LPP: variants seen among roughly 807,000 people sequenced by gnomAD.
LPP encodes LIM domain containing preferred translocation partner in lipoma.
A neutral mutation model predicts 60.4 loss-of-function variants in LPP; 38 were observed. That is an observed-to-expected ratio of 0.63 (90% confidence interval 0.49 to 0.83). LPP has a LOEUF of 0.83. LPP is among the 40% of genes least tolerant of loss of function. The pLI is 0.00. For synonymous variants in LPP, 328 were observed against 290.8 expected, an observed-to-expected ratio of 1.13 and a Z score of -1.30; for missense variants, 902 against 783.6, an observed-to-expected ratio of 1.15 and a Z score of -1.80.
At chr3:188,426,100 T>C (rs978619425) in intron 4 of LPP, among the ~76,000 whole-genome samples, 3 of 152,210 alleles carry the variant, frequency 2.0e-5, no homozygotes, top group African/African-American at 7.2e-5. Flanking sequence ...GTGCTATAAA[T>C]TCCCCTCTAA....
intron 7 of LPP, among the ~76,000 whole-genome samples, chr3:188,659,143 C>G (rs1854010726): frequency 6.6e-6 from 1 of 152,054 alleles, no homozygotes; most frequent in South Asian, 2.1e-4. Context: ...GTAAAATAAC[C>G]TGTTAGGTAG....
chr3:188,230,663 C>A (rs921827930), intron 2 of LPP, among the ~76,000 whole-genome samples: 1 of 151,598 alleles, frequency 6.6e-6, no homozygotes, highest in Non-Finnish European at 1.5e-5. Flanking sequence ...ATCCCAGCTA[C>A]TCGGGAGGCT....
intron 6 of LPP, among the ~76,000 whole-genome samples, chr3:188,557,160 C>A (rs1829678036): frequency 6.6e-6 from 1 of 151,922 alleles, no homozygotes; most frequent in Non-Finnish European, 1.5e-5. Flanking sequence ...ATTCATATTT[C>A]TATAAACTCA....
intron 7 of LPP, among the ~76,000 whole-genome samples, chr3:188,634,117 C>A (rs1303832129): frequency 6.6e-6 from 1 of 152,192 alleles, no homozygotes; most frequent in Admixed American, 6.5e-5. Context: ...TACTGGGAAG[C>A]ACTTAGTGTC....
rs11326505 is a variant in LPP, at chr3:188,405,897, C to T, written c.-9-215C>T. Reference sequence around the variant, plus strand: ...CCTCTTTCTCTTTCTTTCTTTCTTTCTCCTTTTCCTCTCCTTCCTCCTTTT... The same window carrying T: ...CCTCTTTCTCTTTCTTTCTTTCTTTTTCCTTTTCCTCTCCTTCCTCCTTTT... On this transcript the variant is annotated intron_variant, in intron 3 of 11. Coordinates refer to ENST00000617246, the MANE Select transcript of LPP (RefSeq NM_001375462.1). 2.5e-3 allele frequency among the ~76,000 whole-genome samples: 25 copies of T among 9,934 alleles called. 1 individual carries two copies. In the South Asian group the frequency reaches 0.13, roughly 51 times the overall value. The allele number at this position is 9,934 out of a possible 152,430, so 6.5% of individuals were successfully genotyped here. A position where few individuals can be genotyped will look rare whatever the true frequency, so the allele number is the denominator to read the frequency against.
chr3:188,713,703 G>A (rs530335800), intron 8 of LPP, among the ~76,000 whole-genome samples: 2 of 152,094 alleles, frequency 1.3e-5, no homozygotes, highest in Non-Finnish European at 2.9e-5. Flanking sequence ...ATCACCTCAG[G>A]TTAAAACAGC....
At chr3:188,256,388 G>A (rs1400579264) in intron 2 of LPP, among the ~76,000 whole-genome samples, 2 of 152,060 alleles carry the variant, frequency 1.3e-5, no homozygotes, top group Non-Finnish European at 2.9e-5. Context: ...AATATAAATT[G>A]TAATCTAAGT....
intron 5 of LPP, among the ~76,000 whole-genome samples, chr3:188,513,695 T>C (rs895706442): frequency 6.6e-6 from 1 of 152,122 alleles, no homozygotes; most frequent in Non-Finnish European, 1.5e-5. Context: ...TAGGTAAATA[T>C]TGTGAAAAGT....
At position 188,484,751 on chromosome 3, in the gene LPP, G is replaced by C. The variant is rs763196161; in HGVS notation, c.306+47G>C. 6.5e-5 allele frequency: 93 copies of C among 1,431,226 alleles called. No homozygotes were observed. The Admixed American group carries it at 1.5e-3, about 24-fold the overall frequency. 88.7% of individuals were successfully genotyped at this position (1,431,226 alleles called of 1,614,324 possible). ...ATGTTAGGTAAGAGCTGAAGTTAAAGTCATGTTTATAAGCCATCCTAGGGA... is the reference window on the plus strand; with the variant it reads ...ATGTTAGGTAAGAGCTGAAGTTAAACTCATGTTTATAAGCCATCCTAGGGA... On this transcript the variant is annotated intron_variant, in intron 5 of 11. Coordinates refer to ENST00000617246, the MANE Select transcript of LPP (RefSeq NM_001375462.1).
chr3:188,419,790 T>C (rs1170549958), intron 4 of LPP, among the ~76,000 whole-genome samples: 1 of 152,176 alleles, frequency 6.6e-6, no homozygotes, highest in Non-Finnish European at 1.5e-5. Context: ...CTTGGGAGAC[T>C]GAGGCAGGCG....
intron 4 of LPP, among the ~76,000 whole-genome samples, chr3:188,408,406 C>T (rs1784173488): frequency 6.6e-6 from 1 of 152,278 alleles, no homozygotes; most frequent in Non-Finnish European, 1.5e-5. Flanking sequence ...CCTCCTTGTA[C>T]TATGTGTGGT....
At chr3:188,279,613 T>G (rs1741220296) in intron 2 of LPP, among the ~76,000 whole-genome samples, 2 of 152,178 alleles carry the variant, frequency 1.3e-5, no homozygotes, top group African/African-American at 4.8e-5. Flanking sequence ...TAGAGGAAAG[T>G]CAGACTGGAG....
intron 4 of LPP, among the ~76,000 whole-genome samples, chr3:188,422,254 C>T (rs1788001921): frequency 2.6e-5 from 4 of 152,092 alleles, no homozygotes; most frequent in South Asian, 2.1e-4. Flanking sequence ...CATCAGTAAT[C>T]GCTAAGTAAC....
intron 7 of LPP, among the ~76,000 whole-genome samples, chr3:188,639,034 C>A (rs1189953304): frequency 6.6e-6 from 1 of 150,438 alleles, no homozygotes; most frequent in Non-Finnish European, 1.5e-5. Flanking sequence ...TCATATGGAA[C>A]CAAAAAAGAG....
At position 188,886,577 on chromosome 3, in the gene LPP, A is replaced by G. The variant is rs1213655106; in HGVS notation, c.*12098A>G. On this transcript the variant is annotated 3_prime_UTR_variant, in exon 12 of 12. Coordinates refer to ENST00000617246, the MANE Select transcript of LPP (RefSeq NM_001375462.1). ...ATGTGAAAAAAGCAGCCTTTTAGAA[A>G]AACATTATTTTCAAATACCTTTATA... is the stretch of plus-strand genomic sequence containing the variant. The G allele has an allele frequency of 4.8e-6, 1 of 206,306 alleles. No individual in the cohort carries two copies. The highest frequency in any genetic ancestry group is 9.8e-6 in the Non-Finnish European group (1 of 102,168). The allele number at this position is 206,306 out of a possible 1,614,324, so 12.8% of individuals were successfully genotyped here.
At chr3:188,199,929 G>A (rs1730597216) in intron 1 of LPP, among the ~76,000 whole-genome samples, 1 of 151,968 alleles carries the variant, frequency 6.6e-6, no homozygotes, top group African/African-American at 2.4e-5. Context: ...TGGCCAGGCT[G>A]GTCTCGAACT....
chr3:188,457,739 A>AAAAATATAT (rs1553903685), intron 4 of LPP, among the ~76,000 whole-genome samples: 1 of 140,074 alleles, frequency 7.1e-6, no homozygotes, highest in African/African-American at 2.7e-5. Context: ...AAAAAAAAAA[A>AAAAATATAT]ATATATATAT....
chr3:188,173,677 C>G (rs1039460357), intron 1 of LPP, among the ~76,000 whole-genome samples: 3 of 151,912 alleles, frequency 2.0e-5, no homozygotes, highest in African/African-American at 7.3e-5. Flanking sequence ...TTTTTTTCTT[C>G]CCCTGATTTA....
intron 7 of LPP, among the ~76,000 whole-genome samples, chr3:188,635,409 G>C (rs1240827009): frequency 6.6e-6 from 1 of 152,182 alleles, no homozygotes; most frequent in African/African-American, 2.4e-5. Flanking sequence ...TTGTTCTCAA[G>C]AGGTTACCAG....
Sources: gnomAD v4.1 joint callset for allele counts (sites outside exome capture counted in the v4.1 genomes callset) on GRCh38, gnomAD v4.1.1 for gene constraint, MANE v1.5 for transcripts, NCBI Gene and HGNC (gene_info 2026-07-23, HGNC 2026-07-21) for gene names.